Variants in ASZ1 observed in about 807,000 individuals in gnomAD.
The protein encoded by ASZ1 is ankyrin repeat, SAM and basic leucine zipper domain containing 1.
A neutral mutation model predicts 61.8 loss-of-function variants in ASZ1; 67 were observed. The observed-to-expected ratio is 1.08, with a 90% CI of 0.89 to 1.33. The LOEUF is 1.33. Ranked by LOEUF, ASZ1 falls within the 40% of genes most tolerant of loss-of-function variation. The probability of loss-of-function intolerance (pLI) is 0.00; values close to 1 mark genes in which losing one functional copy is unlikely to be tolerated. For missense variants in ASZ1, 577 were observed against 554.5 expected (o/e 1.04, Z -0.41); for synonymous variants, 193 against 192.7 (o/e 1.00, Z -0.01).
rs1360689057 is a variant in ASZ1, at chr7:117,422,286, C to T, written c.279G>A (p.Glu93=). ...LMYAASVANA[E]LVRVLLDRGA... is the part of the protein sequence containing the mutation. Reference sequence around the variant, plus strand: ...CTCTGTCCAAAAGGACCCGAACCAGCTCTGCATTGGCAACACTAGCAGCAT... The same window carrying T: ...CTCTGTCCAAAAGGACCCGAACCAGTTCTGCATTGGCAACACTAGCAGCAT... The change falls in exon 3 of 13, where the codon GAG becomes GAA. Residue 93 remains glutamate (E), a synonymous_variant. Transcript: ENST00000284629. The T allele has an allele frequency of 6.2e-7, 1 of 1,613,850 alleles. No individual in the cohort carries two copies. Among genetic ancestry groups the T allele is most frequent in the African/African-American group, 1.3e-5 (1 of 74,920 alleles).
intron 4 of ASZ1, among the ~76,000 whole-genome samples, chr7:117,404,642 G>A (rs550553778): frequency 9.9e-5 from 15 of 152,160 alleles, no homozygotes; most frequent in African/African-American, 3.6e-4. Context: ...GGATCGTGCT[G>A]ATTTTTAGCA....
At chr7:117,427,100 G>A (rs1299574909) in intron 1 of ASZ1, among the ~76,000 whole-genome samples, 165 bp from the exon 2 acceptor site, 1 of 152,110 alleles carries the variant, frequency 6.6e-6, no homozygotes, top group Non-Finnish European at 1.5e-5. Context: ...ATCTTTCAAG[G>A]GAATAGGTAA....
chr7:117,409,238 G>A (rs1796848676), intron 4 of ASZ1, among the ~76,000 whole-genome samples: 1 of 151,780 alleles, frequency 6.6e-6, no homozygotes, highest in Non-Finnish European at 1.5e-5. Flanking sequence ...ACAATAATTA[G>A]GCAAAACATG....
intron 9 of ASZ1, among the ~76,000 whole-genome samples, chr7:117,380,312 T>C (rs1228870149): frequency 6.6e-6 from 1 of 151,784 alleles, no homozygotes; most frequent in Non-Finnish European, 1.5e-5. Context: ...AACAAATTAC[T>C]AGAACTTAAT....
At chr7:117,369,591 C>G (rs766224529) in intron 10 of ASZ1, among the ~76,000 whole-genome samples, 4 of 152,166 alleles carry the variant, frequency 2.6e-5, no homozygotes, top group Non-Finnish European at 5.9e-5. Context: ...AACTAAGGAT[C>G]TGGCAGTGGC....
At chr7:117,426,415 G>T (rs530086728) in intron 2 of ASZ1, among the ~76,000 whole-genome samples, 1 of 132,402 alleles carries the variant, frequency 7.6e-6, no homozygotes, top group Non-Finnish European at 1.5e-5. Context: ...GCTTGAACCC[G>T]AAGGTGGAGA....
intron 4 of ASZ1, among the ~76,000 whole-genome samples, chr7:117,406,229 A>G (rs1477085365): frequency 6.6e-6 from 1 of 152,238 alleles, no homozygotes; most frequent in Admixed American, 6.5e-5. Flanking sequence ...TTCAAAAATG[A>G]AAAGCAAAAT....
chr7:117,396,739 G>T (rs778034860), intron 4 of ASZ1, among the ~76,000 whole-genome samples: 1 of 152,048 alleles, frequency 6.6e-6, no homozygotes, highest in Non-Finnish European at 1.5e-5. Context: ...TTCTTTAAGT[G>T]GATCTTTGTT....
chr7:117,368,364 A>G, intron 11 of ASZ1: 12 of 1,147,992 alleles, frequency 1.0e-5, no homozygotes, highest in Non-Finnish European at 1.3e-5. Context: ...GGTAAATTCA[A>G]TACACGGATC....
intron 12 of ASZ1, among the ~76,000 whole-genome samples, chr7:117,365,852 T>C (rs1055014434): frequency 6.6e-6 from 1 of 152,206 alleles, no homozygotes; most frequent in Non-Finnish European, 1.5e-5. Flanking sequence ...TCTTTGGAAA[T>C]AAATTATTTT....
At chr7:117,410,443 T>C (rs1347096073) in intron 4 of ASZ1, among the ~76,000 whole-genome samples, 1 of 151,684 alleles carries the variant, frequency 6.6e-6, no homozygotes, top group Non-Finnish European at 1.5e-5. Flanking sequence ...TTGCTTAATT[T>C]TAACAATGAA....
chr7:117,406,436 T>C (rs1796783541), intron 4 of ASZ1, among the ~76,000 whole-genome samples: 1 of 152,134 alleles, frequency 6.6e-6, no homozygotes, highest in African/African-American at 2.4e-5. Flanking sequence ...AATAACATAA[T>C]TGATAGCAAT....
At chr7:117,386,099 T>C (rs571115985) in intron 4 of ASZ1, among the ~76,000 whole-genome samples, 3 of 152,290 alleles carry the variant, frequency 2.0e-5, no homozygotes, top group African/African-American at 7.2e-5. Flanking sequence ...CTAATATACA[T>C]ATTCATCTAG....
At chr7:117,423,594 C>G (rs1422338148) in intron 2 of ASZ1, among the ~76,000 whole-genome samples, 1 of 150,740 alleles carries the variant, frequency 6.6e-6, no homozygotes, top group Admixed American at 6.6e-5. Context: ...GCCTGTAATC[C>G]CAGCACTTTG....
intron 12 of ASZ1, among the ~76,000 whole-genome samples, chr7:117,366,081 T>C (rs1378294242): frequency 6.6e-6 from 1 of 152,172 alleles, no homozygotes; most frequent in African/African-American, 2.4e-5. Flanking sequence ...CTGGCCAACA[T>C]GGTGAAACCT....
rs60144830 is a variant in ASZ1, at chr7:117,423,689, C to CAAA, written c.206-1333_206-1331dup. Among the ~76,000 whole-genome samples, 137 of 76,464 alleles carry CAAA rather than the reference C, an allele frequency of 1.8e-3. 1 individual carries two copies. The highest frequency in any genetic ancestry group is 0.01 in the East Asian group (29 of 2,872). The allele number at this position is 76,464 out of a possible 152,430, so 50.2% of individuals were successfully genotyped here. On this transcript the variant is annotated intron_variant, in intron 2 of 12. Transcript: ENST00000284629. ...TGAAACCCTGTTTCTACTAAAAATACAAAAAAAAAAAAAAAAAAAAAAATT... is the reference window on the plus strand; with the variant it reads ...TGAAACCCTGTTTCTACTAAAAATACAAAAAAAAAAAAAAAAAAAAAAAAAATT...
chr7:117,371,113 C>T (rs1482344981), intron 10 of ASZ1, among the ~76,000 whole-genome samples: 1 of 152,138 alleles, frequency 6.6e-6, no homozygotes, highest in East Asian at 1.9e-4. Flanking sequence ...GCGTGAGCCA[C>T]CATCCTAGCC....
At chr7:117,415,676 T>C (rs1224217117) in intron 4 of ASZ1, among the ~76,000 whole-genome samples, 1 of 151,906 alleles carries the variant, frequency 6.6e-6, no homozygotes, top group East Asian at 1.9e-4. Flanking sequence ...GGTCTTGGAA[T>C]GTATCCCTGG....
chr7:117,368,576 C>T, intron 11 of ASZ1, 36 bp downstream of exon 11: 1 of 1,600,522 alleles, frequency 6.2e-7, no homozygotes, highest in Non-Finnish European at 8.5e-7. Context: ...CTTCAGTGTT[C>T]ATACTTTTCT....
Sources: allele counts gnomAD v4.1 joint callset (sites outside exome capture counted in the v4.1 genomes callset), GRCh38; gene constraint gnomAD v4.1.1; transcripts MANE v1.5; gene names NCBI Gene and HGNC (gene_info 2026-07-23, HGNC 2026-07-21).